RCAN2: variants seen among roughly 807,000 people sequenced by gnomAD.
The protein encoded by RCAN2 is regulator of calcineurin 2.
RCAN2 carries 9 observed loss-of-function variants against 23.6 expected under a neutral mutation model. That is an observed-to-expected ratio of 0.38 (90% CI 0.23 to 0.67). RCAN2 has a LOEUF of 0.67. RCAN2 is among the 30% of genes least tolerant of loss of function. The probability of loss-of-function intolerance (pLI) is 0.51; values close to 1 mark genes in which losing one functional copy is unlikely to be tolerated. For synonymous variants in RCAN2, 109 were observed against 115.7 expected, an observed-to-expected ratio of 0.94 and a Z score of 0.37; for missense variants, 273 against 302.3, an observed-to-expected ratio of 0.90 and a Z score of 0.72.
At chr6:46,359,014 C>T (rs1307434512) in intron 2 of RCAN2, among the ~76,000 whole-genome samples, 1 of 152,192 alleles carries the variant, frequency 6.6e-6, no homozygotes. Context: ...AGTTAGTTCT[C>T]ATGTAGTTAG....
At chr6:46,394,039 T>C (rs957405397) in intron 2 of RCAN2, among the ~76,000 whole-genome samples, 1 of 152,176 alleles carries the variant, frequency 6.6e-6, no homozygotes, top group Non-Finnish European at 1.5e-5. Flanking sequence ...TCAAACAATG[T>C]GAAAGATGAC....
chr6:46,441,329 C>G (rs887898862), intron 2 of RCAN2, among the ~76,000 whole-genome samples: 2 of 152,138 alleles, frequency 1.3e-5, no homozygotes, highest in Non-Finnish European at 2.9e-5. Flanking sequence ...GATTTGGACC[C>G]CAATGCTTCT....
intron 2 of RCAN2, among the ~76,000 whole-genome samples, chr6:46,273,989 G>C (rs1767606062): frequency 6.6e-6 from 1 of 152,120 alleles, no homozygotes; most frequent in Non-Finnish European, 1.5e-5. Flanking sequence ...TGCTGAGAAA[G>C]ATGATGAGGA....
intron 2 of RCAN2, among the ~76,000 whole-genome samples, chr6:46,287,918 A>G (rs924000937): frequency 6.6e-6 from 1 of 152,192 alleles, no homozygotes; most frequent in African/African-American, 2.4e-5. Context: ...TTGAAAAGTT[A>G]CTCATATGAA....
At chr6:46,289,242 T>C (rs926499419) in intron 2 of RCAN2, among the ~76,000 whole-genome samples, 3 of 152,026 alleles carry the variant, frequency 2.0e-5, no homozygotes, top group South Asian at 2.1e-4. Context: ...CACTATTTTT[T>C]CCCCCCAGGC....
Position 46,256,774 on chromosome 6 carries a change from G to A in RCAN2, c.226-7878C>T, listed in dbSNP as rs1375470449. ...AATAAAATAAAGTAAAATGGAAAAC[G>A]AGAAGAGAAAAAGGGGGAAACAAGT... On this transcript the variant is annotated intron_variant, in intron 2 of 4. Transcript: ENST00000371374. Among the ~76,000 whole-genome samples, 4 of 152,292 alleles carry A rather than the reference G, an allele frequency of 2.6e-5. No homozygotes were observed. The East Asian group carries it at 5.8e-4, about 22-fold the overall frequency.
chr6:46,360,459 G>A (rs537681260), intron 2 of RCAN2, among the ~76,000 whole-genome samples: 7 of 150,574 alleles, frequency 4.6e-5, no homozygotes, highest in South Asian at 2.1e-4. Context: ...GTGTGAACCC[G>A]GGAGGCGGAG....
At chr6:46,390,978 G>A (rs1765916263) in intron 2 of RCAN2, among the ~76,000 whole-genome samples, 1 of 152,066 alleles carries the variant, frequency 6.6e-6, no homozygotes, top group African/African-American at 2.4e-5. Context: ...GGGCAGCCTG[G>A]GCAGACAAAG....
chr6:46,228,148 T>C (rs540294421), intron 4 of RCAN2, among the ~76,000 whole-genome samples: 1 of 152,362 alleles, frequency 6.6e-6, no homozygotes, highest in East Asian at 1.9e-4. Context: ...GACAGTTTGT[T>C]ATAATTTCTG....
chr6:46,431,201 T>TA (rs879800259), intron 2 of RCAN2, among the ~76,000 whole-genome samples: 71 of 149,872 alleles, frequency 4.7e-4, no homozygotes, highest in Middle Eastern at 6.8e-3. Context: ...ATTTGTATTT[T>TA]TAAAAAAAAA....
At chr6:46,258,235 A>G (rs1766984455) in intron 2 of RCAN2, among the ~76,000 whole-genome samples, 1 of 152,182 alleles carries the variant, frequency 6.6e-6, no homozygotes, top group Non-Finnish European at 1.5e-5. Flanking sequence ...ACCACTCTGG[A>G]TGTGATGGGC....
intron 2 of RCAN2, among the ~76,000 whole-genome samples, chr6:46,336,152 C>CAAAGAAGA (rs1764134527): frequency 6.6e-6 from 1 of 152,198 alleles, no homozygotes; most frequent in African/African-American, 2.4e-5. Context: ...AGTTGGAAAG[C>CAAAGAAGA]AGCAAAAGTA....
At chr6:46,464,031 C>A (rs1227200543) in intron 1 of RCAN2, among the ~76,000 whole-genome samples, 1 of 152,098 alleles carries the variant, frequency 6.6e-6, no homozygotes, top group East Asian at 1.9e-4. Context: ...ATGAATAATT[C>A]ATCCTGACTT....
At chr6:46,332,612 A>T (rs1396673393) in intron 2 of RCAN2, among the ~76,000 whole-genome samples, 1 of 151,920 alleles carries the variant, frequency 6.6e-6, no homozygotes, top group Non-Finnish European at 1.5e-5. Context: ...TTCCAATTTC[A>T]TCCATGTCAT....
At chr6:46,407,798 T>C (rs144169443) in intron 2 of RCAN2, among the ~76,000 whole-genome samples, 1 of 152,332 alleles carries the variant, frequency 6.6e-6, no homozygotes. Flanking sequence ...AAGGTGAGAT[T>C]GCATAATTTT....
At chr6:46,387,891 G>A (rs1295665399) in intron 2 of RCAN2, among the ~76,000 whole-genome samples, 8 of 152,140 alleles carry the variant, frequency 5.3e-5, no homozygotes, top group Non-Finnish European at 7.3e-5. Context: ...AAGAAAATGT[G>A]GCACATATAA....
chr6:46,432,826 A>T (rs1318294241), intron 2 of RCAN2, among the ~76,000 whole-genome samples: 1 of 152,222 alleles, frequency 6.6e-6, no homozygotes, highest in Non-Finnish European at 1.5e-5. Context: ...ACCTCGTGGC[A>T]CAATGGTAGT....
At chr6:46,429,111 G>C (rs528792627) in intron 2 of RCAN2, among the ~76,000 whole-genome samples, 1 of 152,244 alleles carries the variant, frequency 6.6e-6, no homozygotes, top group East Asian at 1.9e-4. Flanking sequence ...TAAGTAGTAG[G>C]GGCAAAAGGG....
intron 2 of RCAN2, among the ~76,000 whole-genome samples, chr6:46,277,314 G>A (rs1767746976): frequency 6.6e-6 from 1 of 152,148 alleles, no homozygotes; most frequent in Non-Finnish European, 1.5e-5. Context: ...ACCATTCTTG[G>A]TAAAAATTAT....
Sources: allele counts gnomAD v4.1 joint callset (sites outside exome capture counted in the v4.1 genomes callset), GRCh38; gene constraint gnomAD v4.1.1; transcripts MANE v1.5; gene names NCBI Gene and HGNC (gene_info 2026-07-23, HGNC 2026-07-21).